Variants in MYO18B observed in about 807,000 individuals in gnomAD.
MYO18B encodes myosin XVIIIB, also known as unconventional myosin-XVIIIb.
Under a neutral mutation model 273.0 loss-of-function variants are expected in MYO18B, and 204 were observed. That is an observed-to-expected ratio of 0.75 (90% CI 0.67 to 0.84). The LOEUF (loss-of-function observed/expected upper bound fraction) is 0.84. Among genes scored for constraint, MYO18B ranks in the 40% least tolerant of loss-of-function variants. MYO18B has a pLI of 0.00. For missense variants in MYO18B, 3,212 were observed against 3,287.6 expected (o/e 0.98, Z 0.56); for synonymous variants, 1,330 against 1,305.7 (o/e 1.02, Z -0.40).
chr22:25,973,259 TGGG>T (rs1555972911), intron 39 of MYO18B, among the ~76,000 whole-genome samples: 1 of 152,142 alleles, frequency 6.6e-6, no homozygotes, highest in Non-Finnish European at 1.5e-5. Flanking sequence ...CTCTTAAAAA[TGGG>T]GTGGTGGTGG....
At chr22:25,980,702 T>C (rs569294062) in intron 39 of MYO18B, among the ~76,000 whole-genome samples, 21 of 152,318 alleles carry the variant, frequency 1.4e-4, no homozygotes, top group Non-Finnish European at 2.9e-4. Flanking sequence ...ACATTCTCTA[T>C]AGTGAATGCT....
At chr22:25,773,288 T>C (rs1200058620) in intron 7 of MYO18B, among the ~76,000 whole-genome samples, 2 of 151,822 alleles carry the variant, frequency 1.3e-5, no homozygotes, top group African/African-American at 4.8e-5. Flanking sequence ...CCTTGTGGAG[T>C]TGCTGTTCTA....
chr22:25,959,766 C>T (rs909818567), intron 39 of MYO18B, among the ~76,000 whole-genome samples: 4 of 152,166 alleles, frequency 2.6e-5, no homozygotes, highest in African/African-American at 7.2e-5. Flanking sequence ...TGGAGGGGCC[C>T]GGGTGTGAGG....
chr22:25,844,694 A>T (rs1487925697), intron 18 of MYO18B, among the ~76,000 whole-genome samples: 1 of 152,238 alleles, frequency 6.6e-6, no homozygotes, highest in East Asian at 1.9e-4. Flanking sequence ...CTTGAGTCTA[A>T]GAGATGCTTG....
chr22:25,762,990 G>A, intron 2 of MYO18B: 2 of 682,702 alleles, frequency 2.9e-6, no homozygotes, highest in Non-Finnish European at 5.6e-6. Flanking sequence ...GTGGATCCAG[G>A]CAGAAATCAC....
intron 42 of MYO18B, among the ~76,000 whole-genome samples, chr22:26,015,086 T>A (rs771371254): frequency 6.6e-6 from 1 of 152,242 alleles, no homozygotes; most frequent in Non-Finnish European, 1.5e-5. Context: ...CAATTTTTGC[T>A]TTGGTTGCAA....
Position 25,996,598 on chromosome 22 carries a change from T to G in MYO18B, c.6287+4105T>G, listed in dbSNP as rs748711496. On this transcript the variant is annotated intron_variant, in intron 40 of 43. Transcript: ENST00000335473. ...GTATGTGTGTGAGTGTGTCCAAAAA[T>G]AGAGTGCACAGATTGATAAATAAAA... Among the ~76,000 whole-genome samples the G allele has an allele frequency of 1.1e-4, 16 of 151,894 alleles. 1 individual carries two copies. The highest frequency in any genetic ancestry group is 1.6e-4 in the Non-Finnish European group (11 of 67,958).
chr22:26,045,008 G>A, the MYO18B span, among the ~76,000 whole-genome samples: 5 of 151,990 alleles, frequency 3.3e-5, no homozygotes, highest in East Asian at 9.7e-4. Flanking sequence ...TGACCTTGGA[G>A]TTCCTATCAT....
At chr22:26,054,044 A>G in the MYO18B span, among the ~76,000 whole-genome samples, 3 of 152,202 alleles carry the variant, frequency 2.0e-5, no homozygotes, top group Non-Finnish European at 4.4e-5. Flanking sequence ...AGGAAGGGCT[A>G]TGAAAGGACC....
At chr22:26,045,245 T>A in the MYO18B span, among the ~76,000 whole-genome samples, 1 of 151,736 alleles carries the variant, frequency 6.6e-6, no homozygotes, top group African/African-American at 2.4e-5. Flanking sequence ...CATGGCTGAG[T>A]CACTTCAGAT....
At chr22:25,798,249 C>T (rs539018246) in intron 12 of MYO18B, among the ~76,000 whole-genome samples, 152 bp downstream of exon 12, 11 of 152,272 alleles carry the variant, frequency 7.2e-5, no homozygotes, top group Admixed American at 3.3e-4. Context: ...TGAAACTAGG[C>T]GTCGTGAGGA....
chr22:26,000,819 A>G (rs1933886763), intron 40 of MYO18B, among the ~76,000 whole-genome samples: 1 of 152,202 alleles, frequency 6.6e-6, no homozygotes, highest in East Asian at 1.9e-4. Flanking sequence ...GTATTTCATC[A>G]TGAATGAACA....
rs572883494 is a variant in MYO18B at position 25,815,934 on chromosome 22, TG to T, written c.2522-7570del. On this transcript the variant is annotated intron_variant, in intron 12 of 43. Transcript: ENST00000335473. Reference sequence around the variant, plus strand: ...TTGTTAAGGTTCGGGCAATGATTCATGTTGGATTATGCATAACTCAGCATCA... The same window carrying T: ...TTGTTAAGGTTCGGGCAATGATTCATTTGGATTATGCATAACTCAGCATCA... Among the ~76,000 whole-genome samples the T allele has an allele frequency of 3.2e-3, 491 of 152,294 alleles. 4 individuals are homozygous for T. Among genetic ancestry groups the T allele is most frequent in the African/African-American group, 0.011 (465 of 41,558 alleles).
chr22:25,964,468 T>A (rs989418134), intron 39 of MYO18B, among the ~76,000 whole-genome samples: 1 of 152,154 alleles, frequency 6.6e-6, no homozygotes, highest in Non-Finnish European at 1.5e-5. Context: ...AGTACAATTT[T>A]AAAAAATTAA....
intron 34 of MYO18B, among the ~76,000 whole-genome samples, chr22:25,940,402 C>G (rs965907319): frequency 3.3e-5 from 5 of 152,196 alleles, no homozygotes; most frequent in African/African-American, 7.2e-5. Flanking sequence ...CCTCCCCAGT[C>G]ATGTGGAACT....
Position 25,889,044 on chromosome 22 carries a change from A to G in MYO18B, c.4315-1712A>G, listed in dbSNP as rs113194172. Among the ~76,000 whole-genome samples the G allele has an allele frequency of 1.7e-3, 254 of 150,788 alleles. 2 individuals carry two copies. The highest frequency in any genetic ancestry group is 5.8e-3 in the African/African-American group (235 of 40,238). ...GAGTTCCCTGTGAGCCCATCCTTCC[A>G]GGAAAAAAAAAAAAATCTCAATTAA... On this transcript the variant is annotated intron_variant, in intron 25 of 43. Transcript: ENST00000335473.
intron 12 of MYO18B, among the ~76,000 whole-genome samples, chr22:25,802,752 CAAA>C (rs1199331535): frequency 4.6e-5 from 1 of 21,574 alleles, no homozygotes; most frequent in African/African-American, 1.1e-4. Flanking sequence ...GACTCTGTCT[CAAA>C]AAAAAAAAAA....
intron 34 of MYO18B, among the ~76,000 whole-genome samples, chr22:25,930,056 G>T (rs749435633): frequency 1.8e-4 from 27 of 152,070 alleles, no homozygotes; most frequent in Non-Finnish European, 2.9e-4. Flanking sequence ...CTCTGCACCT[G>T]CCCTCACCTC....
At chr22:25,967,210 TAAAAA>T (rs1317186631) in intron 39 of MYO18B, among the ~76,000 whole-genome samples, 1 of 152,172 alleles carries the variant, frequency 6.6e-6, no homozygotes, top group Non-Finnish European at 1.5e-5. Context: ...GTTAATTACT[TAAAAA>T]AGAAAGGGGA....
Sources: allele counts gnomAD v4.1 joint callset (sites outside exome capture counted in the v4.1 genomes callset), GRCh38; gene constraint gnomAD v4.1.1; transcripts MANE v1.5; gene names NCBI Gene and HGNC (gene_info 2026-07-23, HGNC 2026-07-21).